Variants in H2BC18 observed in about 807,000 individuals in gnomAD.
H2BC18 encodes the protein histone H2B type 2-F.
Under a neutral mutation model 6.3 loss-of-function variants are expected in H2BC18, and 8 were observed. The ratio of observed to expected loss-of-function variants is 1.28; its 90% confidence interval spans 0.75 to 2.31. The LOEUF (loss-of-function observed/expected upper bound fraction) is 2.31. H2BC18 is among the 30% of genes most tolerant of loss of function. The pLI is 0.00. For synonymous variants in H2BC18, 104 were observed against 78.1 expected, an observed-to-expected ratio of 1.33 and a Z score of -1.75; for missense variants, 106 against 174.5, an observed-to-expected ratio of 0.61 and a Z score of 2.21.
chr1:149,784,423 G>C (rs1232262756), intron 1 of H2BC18, among the ~76,000 whole-genome samples: 3 of 151,858 alleles, frequency 2.0e-5, no homozygotes, highest in Non-Finnish European at 2.9e-5. Context: ...ATCACAGCAG[G>C]GTCCTTAAAC....
At chr1:149,793,255 G>A in intron 1 of H2BC18, 1 of 1,249,084 alleles carries the variant, frequency 8.0e-7, no homozygotes. Flanking sequence ...GCGGCAGGGA[G>A]GGAGCGGGTG....
At chr1:149,805,037 T>G (rs1277379042) in intron 1 of H2BC18, among the ~76,000 whole-genome samples, 1 of 152,250 alleles carries the variant, frequency 6.6e-6, no homozygotes, top group Non-Finnish European at 1.5e-5. Flanking sequence ...CAGCATGATA[T>G]GTGATCATGT....
At chr1:149,789,393 A>AAAT (rs781855250) in intron 1 of H2BC18, among the ~76,000 whole-genome samples, 4,861 of 148,778 alleles carry the variant, frequency 0.033, 213 homozygotes, top group African/African-American at 0.1. Flanking sequence ...ACTACGTCTC[A>AAAT]AATAATAATA....
At chr1:149,803,753 G>C (rs1334223272) in intron 1 of H2BC18, 1 of 152,322 alleles carries the variant, frequency 6.6e-6, no homozygotes, top group African/African-American at 2.4e-5. Flanking sequence ...AGATTCTTGT[G>C]TCTCTTTTTA....
intron 1 of H2BC18, among the ~76,000 whole-genome samples, chr1:149,785,421 T>G (rs1247302449): frequency 7.4e-6 from 1 of 135,744 alleles, no homozygotes; most frequent in Admixed American, 7.2e-5. Context: ...TTTTTTTTTT[T>G]TTTTTTTTTT....
chr1:149,788,626 T>A (rs2091614742), intron 1 of H2BC18: 1 of 1,613,974 alleles, frequency 6.2e-7, no homozygotes, highest in African/African-American at 1.3e-5. Context: ...AGGTATTGTA[T>A]TGGAATAGTC....
At chr1:149,803,252 G>C (rs2091889767) in intron 1 of H2BC18, among the ~76,000 whole-genome samples, 1 of 151,942 alleles carries the variant, frequency 6.6e-6, no homozygotes, top group Admixed American at 6.6e-5. Flanking sequence ...ACCAAGACTT[G>C]TGCAAAATCA....
intron 1 of H2BC18, among the ~76,000 whole-genome samples, chr1:149,802,124 G>A (rs1169892773): frequency 6.6e-6 from 1 of 152,046 alleles, no homozygotes; most frequent in Non-Finnish European, 1.5e-5. Context: ...GCAGGCGGGA[G>A]TTATTTAAGA....
chr1:149,798,778 A>G (rs587626877), intron 1 of H2BC18, among the ~76,000 whole-genome samples: 28 of 152,226 alleles, frequency 1.8e-4, no homozygotes, highest in African/African-American at 6.5e-4. Flanking sequence ...TGCCTGGCTA[A>G]TATTTTTACT....
intron 1 of H2BC18, chr1:149,792,843 G>A (rs1553752224): frequency 6.3e-6 from 8 of 1,271,956 alleles, no homozygotes; most frequent in Non-Finnish European, 8.1e-6. Flanking sequence ...ATGGAAGAGA[G>A]CAAGGGGTCG....
At chr1:149,795,937 A>G (rs2091795590) in intron 1 of H2BC18, among the ~76,000 whole-genome samples, 1 of 151,110 alleles carries the variant, frequency 6.6e-6, no homozygotes, top group African/African-American at 2.5e-5. Context: ...CCTAAGACAC[A>G]TATACATTAA....
intron 1 of H2BC18, chr1:149,805,208 G>A (rs1389526270): frequency 6.6e-6 from 1 of 151,976 alleles, no homozygotes; most frequent in Non-Finnish European, 1.5e-5. Context: ...AATGGTGACA[G>A]CAATCAGTGA....
chr1:149,792,879 C>T (rs1171521881), intron 1 of H2BC18: 1 of 1,205,042 alleles, frequency 8.3e-7, no homozygotes, highest in Non-Finnish European at 1.0e-6. Context: ...TCGCCCGAGT[C>T]AAGGGGCGGC....
At chr1:149,808,846 T>C (rs1426140529), downstream of H2BC18, among the ~76,000 whole-genome samples, 1 of 152,008 alleles carries the variant, frequency 6.6e-6, no homozygotes, top group Non-Finnish European at 1.5e-5. Context: ...AGTTAAACAC[T>C]GACATTCTTT....
intron 1 of H2BC18, chr1:149,805,654 C>T (rs1282750569): frequency 6.6e-6 from 1 of 152,154 alleles, no homozygotes; most frequent in Non-Finnish European, 1.5e-5. Flanking sequence ...TTCCCATGTA[C>T]TCAGTTACTT....
chr1:149,803,734 A>T (rs2091893368), intron 1 of H2BC18: 1 of 152,236 alleles, frequency 6.6e-6, no homozygotes, highest in South Asian at 2.1e-4. Context: ...TGACAGTGAG[A>T]TAGTCTCTAG....
intron 1 of H2BC18, chr1:149,790,245 A>G: frequency 2.5e-6 from 4 of 1,608,256 alleles, no homozygotes; most frequent in South Asian, 1.1e-5. Flanking sequence ...ACTAACTGCT[A>G]GAAGAGAAGA....
At chr1:149,789,840 G>A (rs1553751461) in intron 1 of H2BC18, among the ~76,000 whole-genome samples, 1 of 152,162 alleles carries the variant, frequency 6.6e-6, no homozygotes, top group Non-Finnish European at 1.5e-5. Flanking sequence ...CACTGGTATA[G>A]AGGTATCCTC....
rs781855250 is a variant in H2BC18, at chr1:149,789,393, A to AAATAATAATAATAATAATAAT, written c.378-6154_378-6134dup. On this transcript the variant is annotated intron_variant, in intron 1 of 1. Transcript: ENST00000545683. ...GGGCAACAGAGCGAGACTACGTCTC[A>AAATAATAATAATAATAATAAT]AATAATAATAATAATAATAATAATA... Among the ~76,000 whole-genome samples, 720 of 148,688 alleles carry AAATAATAATAATAATAATAAT rather than the reference A, an allele frequency of 4.8e-3. 2 individuals carry two copies. The highest frequency in any genetic ancestry group is 7.5e-3 in the Non-Finnish European group (504 of 67,408).
Sources: allele counts gnomAD v4.1 joint callset (sites outside exome capture counted in the v4.1 genomes callset), GRCh38; gene constraint gnomAD v4.1.1; transcripts MANE v1.5; gene names NCBI Gene and HGNC (gene_info 2026-07-23, HGNC 2026-07-21).